MYO1F: variants seen among roughly 807,000 people sequenced by gnomAD.
MYO1F encodes the protein unconventional myosin-If.
A neutral mutation model predicts 146.6 loss-of-function variants in MYO1F; 60 were observed. That is an observed-to-expected ratio of 0.41 (90% CI 0.33 to 0.51). The LOEUF (loss-of-function observed/expected upper bound fraction) is 0.51. Among genes scored for constraint, MYO1F ranks in the 20% least tolerant of loss-of-function variants. The pLI, the probability that MYO1F is intolerant of heterozygous loss-of-function variation, is 0.25. For missense variants in MYO1F, 1,274 were observed against 1,534.3 expected (o/e 0.83, Z 2.83); for synonymous variants, 602 against 602.1 (o/e 1.00, Z 0.00).
chr19:8,544,002 G>C (rs1408325386), intron 14 of MYO1F: 8 of 380,968 alleles, frequency 2.1e-5, no homozygotes, highest in Admixed American at 1.0e-4. Flanking sequence ...GGTGCTGGTG[G>C]TGGCGGTGGC....
At chr19:8,521,756 CAA>C (rs1214248562) in intron 27 of MYO1F, 152 bp from the exon 28 acceptor site, 7 of 736,968 alleles carry the variant, frequency 9.5e-6, no homozygotes, top group African/African-American at 1.7e-5. Context: ...CTCAGCCTCC[CAA>C]AGTGCTGGAA....
At chr19:8,544,925 C>T (rs1021000532) in intron 13 of MYO1F, among the ~76,000 whole-genome samples, 2 of 151,656 alleles carry the variant, frequency 1.3e-5, no homozygotes, top group East Asian at 1.9e-4. Context: ...ACAGGCATGC[C>T]GCCACCATGC....
At chr19:8,546,398 T>C (rs1399164927) in intron 12 of MYO1F, among the ~76,000 whole-genome samples, 1 of 151,666 alleles carries the variant, frequency 6.6e-6, no homozygotes, top group East Asian at 1.9e-4. Context: ...TTTGCTCTGT[T>C]ACCCAGGCTG....
At chr19:8,540,305 C>T in intron 15 of MYO1F, 1 of 355,190 alleles carries the variant, frequency 2.8e-6, no homozygotes, top group Non-Finnish European at 5.0e-6. Context: ...TATTGAATGC[C>T]ACTGAATTGT....
Position 8,520,885 on chromosome 19 carries a change from A to G in MYO1F, c.*643T>C. ...CGTGATCTGCCCGCCTCAGCCTCCC[A>G]AAGTGCTGGGATTACAGGCGTGAGC... On this transcript the variant is annotated 3_prime_UTR_variant, in exon 28 of 28. Transcript: ENST00000644032. The G allele has an allele frequency of 6.4e-6, 1 of 155,884 alleles. No individual in the cohort carries two copies. Among genetic ancestry groups the G allele is most frequent in the Non-Finnish European group, 1.4e-5 (1 of 70,310 alleles). The allele number at this position is 155,884 out of a possible 1,614,324, so 9.7% of individuals were successfully genotyped here.
rs60806727 is a variant in MYO1F at position 8,525,199 on chromosome 19, C to CAA, written c.2854+278_2854+279dup. 9.6e-3 allele frequency: 752 copies of CAA among 78,460 alleles called. 14 individuals are homozygous for CAA. Among genetic ancestry groups the CAA allele is most frequent in the African/African-American group, 0.02 (280 of 14,156 alleles). 4.9% of individuals were successfully genotyped at this position (78,460 alleles called of 1,614,324 possible). A position where few individuals can be genotyped will look rare whatever the true frequency, so the allele number is the denominator to read the frequency against. The stretch of plus-strand genomic sequence containing the variant: ...TGGGAGACAGAGTTGGACTCCATCT[C>CAA]AAAAAAAAAAAAAAAAAAAAAAAGA... On this transcript the variant is annotated intron_variant, in intron 25 of 27. Coordinates refer to ENST00000644032, the MANE Select transcript of MYO1F (RefSeq NM_012335.4).
intron 1 of MYO1F, among the ~76,000 whole-genome samples, chr19:8,574,645 C>CTTT (rs1204165007): frequency 2.4e-5 from 1 of 42,498 alleles, no homozygotes; most frequent in Non-Finnish European, 5.0e-5. Flanking sequence ...TTCTTTCTTT[C>CTTT]CTTTCTTTCT....
Position 8,574,577 on chromosome 19 carries a change from T to TTCTTTCTTTCTC in MYO1F, c.3+2729_3+2730insGAGAAAGAAAGA, listed in dbSNP as rs1335184271. The stretch of plus-strand genomic sequence containing the variant: ...TTTCTTTCTTTCTTTCTTTCTTTCT[T>TTCTTTCTTTCTC]TCTCTCTCTCTCTCTCTCTCTTTCT... On this transcript the variant is annotated intron_variant, in intron 1 of 27. Coordinates refer to ENST00000644032, the MANE Select transcript of MYO1F (RefSeq NM_012335.4). 2.7e-3 allele frequency among the ~76,000 whole-genome samples: 214 copies of TTCTTTCTTTCTC among 79,664 alleles called. 2 individuals carry two copies. Among genetic ancestry groups the TTCTTTCTTTCTC allele is most frequent in the Non-Finnish European group, 3.4e-3 (139 of 41,386 alleles). The allele number at this position is 79,664 out of a possible 152,430, so 52.3% of individuals were successfully genotyped here. A position where few individuals can be genotyped will look rare whatever the true frequency, so the allele number is the denominator to read the frequency against.
intron 1 of MYO1F, among the ~76,000 whole-genome samples, chr19:8,556,742 C>G (rs1234424248): frequency 6.6e-6 from 1 of 151,746 alleles, no homozygotes; most frequent in Non-Finnish European, 1.5e-5. Flanking sequence ...ACAAAATTAG[C>G]CAGGTGTGCT....
intron 8 of MYO1F, among the ~76,000 whole-genome samples, chr19:8,551,168 C>T (rs996710002): frequency 1.3e-5 from 2 of 151,898 alleles, no homozygotes; most frequent in African/African-American, 2.4e-5. Flanking sequence ...TCTCCTGCCT[C>T]AGCCTCCCTA....
chr19:8,526,958 G>C (rs941263717), intron 22 of MYO1F, 23 bp from the exon 23 acceptor site: 12 of 1,612,698 alleles, frequency 7.4e-6, no homozygotes, highest in African/African-American at 1.3e-5. Flanking sequence ...GGGTGAGAGC[G>C]TCAGGTGGGA....
At chr19:8,559,343 T>TGG (rs1236249668) in intron 1 of MYO1F, among the ~76,000 whole-genome samples, 2 of 7,990 alleles carry the variant, frequency 2.5e-4, no homozygotes, top group Non-Finnish European at 4.9e-4. Context: ...GGGTGGGGGG[T>TGG]GGGGGGTGGG....
chr19:8,568,286 G>A (rs1049392427), intron 1 of MYO1F, among the ~76,000 whole-genome samples: 3 of 152,074 alleles, frequency 2.0e-5, no homozygotes, highest in Middle Eastern at 3.4e-3. Context: ...AGCCAGGTGC[G>A]GTGGCGGGCG....
chr19:8,572,269 AT>A (rs35723384), intron 1 of MYO1F, among the ~76,000 whole-genome samples: 1 of 150,532 alleles, frequency 6.6e-6, no homozygotes, highest in East Asian at 2.0e-4. Flanking sequence ...AATTATGGGC[AT>A]TTTTTTTTCC....
intron 16 of MYO1F, 24 bp downstream of exon 16, chr19:8,539,923 C>T (rs1487789892): frequency 5.0e-6 from 8 of 1,608,378 alleles, no homozygotes; most frequent in Middle Eastern, 1.8e-4. Flanking sequence ...AGGCCCAGCT[C>T]CCCGTTGTAC....
chr19:8,573,104 C>T (rs1036167359), intron 1 of MYO1F, among the ~76,000 whole-genome samples: 7 of 151,926 alleles, frequency 4.6e-5, no homozygotes, highest in East Asian at 1.9e-4. Flanking sequence ...GTCAGGAGAT[C>T]GAGACCATCC....
intron 1 of MYO1F, among the ~76,000 whole-genome samples, chr19:8,559,882 G>A (rs1219198241): frequency 2.7e-5 from 4 of 149,944 alleles, no homozygotes; most frequent in Non-Finnish European, 5.9e-5. Context: ...CCCAGGAGGC[G>A]GAGGTTGCGG....
At position 8,550,544 on chromosome 19, in the gene MYO1F, C is replaced by T. The variant is rs746044356; in HGVS notation, c.904+18G>A. On this transcript the variant is annotated intron_variant, in intron 9 of 27. Coordinates refer to ENST00000644032, the MANE Select transcript of MYO1F (RefSeq NM_012335.4). ...ACCCACAGGCCTCCATCCAGCCCTC[C>T]CTGATACCCACACTCACGGTCCACA... 7.4e-6 allele frequency: 12 copies of T among 1,614,028 alleles called. No individual in the cohort carries two copies. Among genetic ancestry groups the T allele is most frequent in the Non-Finnish European group, 1.0e-5 (12 of 1,180,032 alleles).
chr19:8,577,317 G>A lies in MYO1F; in HGVS notation c.-8C>T, dbSNP rs1555734048. The A allele has an allele frequency of 5.0e-6, 8 of 1,613,972 alleles. No individual in the cohort carries two copies. Among genetic ancestry groups the A allele is most frequent in the Middle Eastern group, 1.7e-4 (1 of 6,060 alleles). ...CCTTGAAGGACTTACCATGGTGGGGGGCTGGTGTCTGGGCTCCTGGAGGCT... is the reference window on the plus strand; with the variant it reads ...CCTTGAAGGACTTACCATGGTGGGGAGCTGGTGTCTGGGCTCCTGGAGGCT... On this transcript the variant is annotated 5_prime_UTR_variant, in exon 1 of 28. Transcript: ENST00000644032. The surrounding 1 kb of genome is among the most constrained non-coding windows in gnomAD (Gnocchi z 4.3).
Sources: allele counts gnomAD v4.1 joint callset (sites outside exome capture counted in the v4.1 genomes callset), GRCh38; gene constraint gnomAD v4.1.1; non-coding constraint Gnocchi (gnomAD v3.1); transcripts MANE v1.5; gene names NCBI Gene and HGNC (gene_info 2026-07-23, HGNC 2026-07-21).